Variants in CLEC4F observed in about 807,000 individuals in gnomAD.
CLEC4F encodes C-type (calcium dependent, carbohydrate-recognition domain) lectin, superfamily member 13.
A neutral mutation model predicts 53.4 loss-of-function variants in CLEC4F; 45 were observed. That is an observed-to-expected ratio of 0.84 (90% CI 0.66 to 1.08). CLEC4F has a LOEUF of 1.08. CLEC4F is among the 50% of genes least tolerant of loss of function. CLEC4F has a pLI of 0.00. For synonymous variants in CLEC4F, 245 were observed against 257.5 expected (o/e 0.95, Z 0.46); for missense variants, 753 against 698.2 (o/e 1.08, Z -0.88).
In CLEC4F at chr2:70,816,827, T is replaced by C. The variant is rs111606232; in HGVS notation, c.554A>G (p.Glu185Gly). The change falls in exon 4 of 7, where the codon GAA becomes GGA. Residue 185 changes from glutamate to glycine, a missense_variant. By Grantham distance (98) the Glu-to-Gly change is moderately conservative. Coordinates refer to ENST00000272367, the MANE Select transcript of CLEC4F (RefSeq NM_173535.3). Reference sequence around the variant, plus strand: ...TAAAGCATCTGCCTTTTCAAGGTCTTCCTTGAGCCTCTGGATCTCAGCATT... The same window carrying C: ...TAAAGCATCTGCCTTTTCAAGGTCTCCCTTGAGCCTCTGGATCTCAGCATT... ...GTNAEIQRLKEDLEKADALTF... is the reference protein window; with the variant it reads ...GTNAEIQRLKGDLEKADALTF... 1.8e-4 allele frequency: 285 copies of C among 1,614,114 alleles called. 2 individuals carry two copies. In the African/African-American group the frequency reaches 3.5e-3, roughly 20 times the overall value.
At chr2:70,810,879 A>G in intron 5 of CLEC4F, 1 of 552,312 alleles carries the variant, frequency 1.8e-6, no homozygotes, top group Non-Finnish European at 3.6e-6. Context: ...TGGACATCAA[A>G]TTATATTTCA....
intron 4 of CLEC4F, among the ~76,000 whole-genome samples, chr2:70,813,498 CTTTCTTTCTTTCT>C (rs1324255545): frequency 2.8e-5 from 3 of 107,940 alleles, no homozygotes; most frequent in African/African-American, 3.4e-5. Flanking sequence ...CTTTCTTTTT[CTTTCTTTCTTTCT>C]TTTCTTTCTT....
chr2:70,809,831 T>G lies in CLEC4F; in HGVS notation c.1566A>C (p.Lys522Asn), dbSNP rs1676453274. ...CAGTGAGACCGATCCAGTAGTACAC[T>G]TTACTTGTGAACTCTACCAGAAATG... ...EQAFLVEFTS[K>N]VYYWIGLTDR... The change falls in exon 6 of 7, where the codon AAA (lysine) becomes AAC (asparagine). Residue 522 changes from lysine to asparagine, a missense_variant. Coordinates refer to ENST00000272367, the MANE Select transcript of CLEC4F (RefSeq NM_173535.3). 2 of 1,613,396 alleles carry G rather than the reference T, an allele frequency of 1.2e-6. No homozygotes were observed. Among genetic ancestry groups the G allele is most frequent in the Admixed American group, 3.3e-5 (2 of 60,028 alleles).
chr2:70,818,766 A>G (rs1174662109), intron 3 of CLEC4F, among the ~76,000 whole-genome samples: 2 of 151,590 alleles, frequency 1.3e-5, no homozygotes, highest in Non-Finnish European at 2.9e-5. Context: ...AACAAAGGAG[A>G]ACATCTTTGT....
upstream of CLEC4F, among the ~76,000 whole-genome samples, chr2:70,822,821 C>T (rs1375112388): frequency 6.6e-6 from 1 of 152,254 alleles, no homozygotes; most frequent in African/African-American, 2.4e-5. Flanking sequence ...TTCTTTGCTA[C>T]TTTCACCCTC....
Position 70,809,158 on chromosome 2 carries a change from G to A in CLEC4F, c.*113C>T. The A allele has an allele frequency of 6.4e-7, 1 of 1,554,214 alleles. No individual in the cohort carries two copies. Among genetic ancestry groups the A allele is most frequent in the Non-Finnish European group, 8.7e-7 (1 of 1,148,294 alleles). On this transcript the variant is annotated 3_prime_UTR_variant, in exon 7 of 7. Transcript: ENST00000272367. ...GCTGTGGCTCCTAGGGAGCTGACAT[G>A]GGATGAGTCTAGGGAGCTGACTTGA...
In CLEC4F at chr2:70,809,269, T is replaced by C. The variant is rs782324626; in HGVS notation, c.*2A>G. The stretch of plus-strand genomic sequence containing the variant: ...CTGAGGGTGTCTGTGCTCAGGTTGC[T>C]CTTAGTTACTGAGGATCCAGGGACA... On this transcript the variant is annotated 3_prime_UTR_variant, in exon 7 of 7. Coordinates refer to ENST00000272367, the MANE Select transcript of CLEC4F (RefSeq NM_173535.3). The C allele has an allele frequency of 6.2e-7, 1 of 1,613,750 alleles. No individual in the cohort carries two copies. The highest frequency in any genetic ancestry group is 8.5e-7 in the Non-Finnish European group (1 of 1,179,930).
intron 5 of CLEC4F, chr2:70,811,561 C>T (rs1170318868): frequency 9.8e-5 from 33 of 335,120 alleles, no homozygotes; most frequent in Middle Eastern, 7.9e-4. Flanking sequence ...TGGTCTCAGG[C>T]GAGCCAACAG....
At chr2:70,815,521 A>G (rs1012212821) in intron 4 of CLEC4F, among the ~76,000 whole-genome samples, 2 of 152,212 alleles carry the variant, frequency 1.3e-5, no homozygotes, top group Non-Finnish European at 1.5e-5. Flanking sequence ...CTGGGCCTCA[A>G]TAAAGCATCG....
chr2:70,825,061 A>G (rs1412345595), upstream of CLEC4F, among the ~76,000 whole-genome samples: 1 of 152,204 alleles, frequency 6.6e-6, no homozygotes, highest in Non-Finnish European at 1.5e-5. Context: ...AATGAATTCT[A>G]TTGATGGTAT....
In CLEC4F at chr2:70,816,446, T is replaced by C. The variant is rs781850083; in HGVS notation, c.935A>G (p.Asn312Ser). The C allele has an allele frequency of 5.6e-6, 9 of 1,613,968 alleles. No homozygotes were observed. In the African/African-American group the frequency reaches 6.7e-5, roughly 12 times the overall value. ...TQAFIKSSFD[N>S]TSAEIQFLRG... ...TAAGAACTGGATCTCAGCACTAGTGTTGTCAAAACTGCTTTTTATAAAGGC... is the reference window on the plus strand; with the variant it reads ...TAAGAACTGGATCTCAGCACTAGTGCTGTCAAAACTGCTTTTTATAAAGGC... Residue 312 changes from asparagine to serine, a missense_variant, in exon 4 of 7, where the codon AAC becomes AGC. Transcript: ENST00000272367.
chr2:70,822,573 GAACC>G (rs1261086835), upstream of CLEC4F, among the ~76,000 whole-genome samples: 22 of 152,282 alleles, frequency 1.4e-4, no homozygotes, highest in Admixed American at 1.2e-3. Context: ...CAGCTGAACA[GAACC>G]AATATTCCCA....
At position 70,816,003 on chromosome 2, in the gene CLEC4F, T is replaced by C; in HGVS notation, c.1378A>G (p.Arg460Gly). 1 of 1,612,622 alleles carries C rather than the reference T, an allele frequency of 6.2e-7. No individual in the cohort carries two copies. The highest frequency in any genetic ancestry group is 2.2e-5 in the East Asian group (1 of 44,858). Residue 460 changes from arginine to glycine, a missense_variant, in exon 4 of 7, where the codon AGA becomes GGA. Coordinates refer to ENST00000272367, the MANE Select transcript of CLEC4F (RefSeq NM_173535.3). ...VVITSQEQLQ[R>G]TQSQLLQMVL... ...CCCCTCTCCCACTTACTTTGGGTTC[T>C]TTGTAGCTGTTCCTGTGAAGTAATG...
intron 1 of CLEC4F, among the ~76,000 whole-genome samples, chr2:70,820,162 T>C (rs1390649293): frequency 6.6e-6 from 1 of 152,160 alleles, no homozygotes; most frequent in East Asian, 1.9e-4. Flanking sequence ...AAGGAGGCTT[T>C]GGTGGTGCAC....
rs571050758 is a variant in CLEC4F at position 70,810,777 on chromosome 2, C to T, written c.1540-920G>A. On this transcript the variant is annotated intron_variant, in intron 5 of 6. Transcript: ENST00000272367. ...ATTAATGTTAATTATGTGATCAGTA[C>T]ATTTTCCCATTTGATTCCCTTCATG... 130 of 491,724 alleles carry T rather than the reference C, an allele frequency of 2.6e-4. 3 individuals carry two copies. In the Middle Eastern group the frequency reaches 3.0e-3, roughly 11 times the overall value. 30.5% of individuals were successfully genotyped at this position (491,724 alleles called of 1,614,324 possible). A position where few individuals can be genotyped will look rare whatever the true frequency, so the allele number is the denominator to read the frequency against.
intron 4 of CLEC4F, among the ~76,000 whole-genome samples, chr2:70,814,046 G>T (rs1676761951): frequency 6.6e-6 from 1 of 152,142 alleles, no homozygotes; most frequent in African/African-American, 2.4e-5. Flanking sequence ...AGCACCCCAG[G>T]CAGGGAAAAG....
At chr2:70,822,095 G>C (rs1677239665), upstream of CLEC4F, among the ~76,000 whole-genome samples, 1 of 152,106 alleles carries the variant, frequency 6.6e-6, no homozygotes, top group South Asian at 2.1e-4. Context: ...GGCAGAAGTG[G>C]GGTCACTACC....
rs782675134 is a variant in CLEC4F, at chr2:70,809,231, G to A, written c.*40C>T. ...GGCCCTAGGATGAGGACAGGGCTGG[G>A]AGAAGGAGTACCCTGAGGGTGTCTG... On this transcript the variant is annotated 3_prime_UTR_variant, in exon 7 of 7. Coordinates refer to ENST00000272367, the MANE Select transcript of CLEC4F (RefSeq NM_173535.3). 4.4e-6 allele frequency: 7 copies of A among 1,606,160 alleles called. No homozygotes were observed. The South Asian group carries it at 4.5e-5, about 10-fold the overall frequency.
chr2:70,820,359 T>TTA, intron 1 of CLEC4F, 104 bp downstream of exon 1: 1 of 1,017,950 alleles, frequency 9.8e-7, no homozygotes. Flanking sequence ...GACAAGGGTC[T>TTA]GGGGAGAGCA....
Sources: allele counts gnomAD v4.1 joint callset (sites outside exome capture counted in the v4.1 genomes callset), GRCh38; gene constraint gnomAD v4.1.1; transcripts MANE v1.5; gene names NCBI Gene and HGNC (gene_info 2026-07-23, HGNC 2026-07-21).